Variants in SEC16A observed in about 807,000 individuals in gnomAD.
SEC16A encodes SEC16 homolog A, endoplasmic reticulum export factor, also known as protein transport protein Sec16A.
Under a neutral mutation model 221.9 loss-of-function variants are expected in SEC16A, and 110 were observed. The observed-to-expected ratio is 0.50, with a 90% CI of 0.42 to 0.58. The LOEUF is 0.58. Among genes scored for constraint, SEC16A ranks in the 20% least tolerant of loss-of-function variants. The pLI, the probability that SEC16A is intolerant of heterozygous loss-of-function variation, is 0.00. For synonymous variants in SEC16A, 1,393 were observed against 1,257.7 expected (o/e 1.11, Z -2.28); for missense variants, 3,165 against 3,097.8 (o/e 1.02, Z -0.52).
intron 30 of SEC16A, 86 bp downstream of exon 30, chr9:136,444,966 C>A: frequency 8.6e-7 from 1 of 1,160,488 alleles, no homozygotes; most frequent in Non-Finnish European, 1.3e-6. Context: ...TGGCAAAGCG[C>A]ACGTGGCGAA....
chr9:136,471,262 T>G (rs962565184), intron 4 of SEC16A, among the ~76,000 whole-genome samples: 1 of 151,048 alleles, frequency 6.6e-6, no homozygotes, highest in Admixed American at 6.6e-5. Context: ...AGGCCAGGAG[T>G]TCGAGACCAG....
In SEC16A at chr9:136,441,934, C is replaced by G. The variant is rs993975517; in HGVS notation, c.7006-111G>C. On this transcript the variant is annotated intron_variant, in intron 31 of 31. Coordinates refer to ENST00000684901, the MANE Select transcript of SEC16A (RefSeq NM_014866.2). ...CATAATGAACCACACGGGCCATTGG[C>G]GCTGACAAGCTGAAGGCTTCGTTTT... The G allele has an allele frequency of 1.1e-5, 10 of 898,894 alleles. No individual in the cohort carries two copies. In the South Asian group the frequency reaches 1.3e-4, roughly 11 times the overall value. 55.7% of individuals were successfully genotyped at this position (898,894 alleles called of 1,614,324 possible).
chr9:136,474,229 G>A lies in SEC16A; in HGVS notation c.3387C>T (p.Ser1129=), dbSNP rs45459100. Residue 1129 remains serine, a synonymous_variant, in exon 3 of 32, where the codon TCC becomes TCT. Coordinates refer to ENST00000684901, the MANE Select transcript of SEC16A (RefSeq NM_014866.2). ...SSSVSLVSSG[S]GQAAVPSEQP... The stretch of plus-strand genomic sequence containing the variant: ...GCTCTGACGGCACAGCTGCCTGGCC[G>A]GAGCCACTGGACACCAGAGACACGC... 87,678 of 1,609,476 alleles carry A rather than the reference G, an allele frequency of 0.054. 2,723 individuals are homozygous for A. The highest frequency in any genetic ancestry group is 0.063 in the Non-Finnish European group (73,693 of 1,178,206).
At chr9:136,457,955 T>C (rs1198443918) in intron 17 of SEC16A, among the ~76,000 whole-genome samples, 1 of 152,052 alleles carries the variant, frequency 6.6e-6, no homozygotes, top group Non-Finnish European at 1.5e-5. Context: ...CTCTAGATAC[T>C]TCATTCTTTT....
chr9:136,462,473 C>T (rs568258382), intron 12 of SEC16A, among the ~76,000 whole-genome samples: 15 of 152,312 alleles, frequency 9.8e-5, no homozygotes, highest in African/African-American at 3.1e-4. Flanking sequence ...CCATGCACTG[C>T]GCCTCTGACA....
At position 136,454,230 on chromosome 9, in the gene SEC16A, G is replaced by C. The variant is rs1370699701; in HGVS notation, c.5955C>G (p.Gly1985=). Residue 1985 remains glycine, a synonymous_variant, in exon 21 of 32, where the codon GGC becomes GGG. Transcript: ENST00000684901. ...LPPGPLEPGP[G]CVTPGPALGF... ...CAAGTGCAGGCCCTGGGGTCACACA[G>C]CCAGGACCCGGCTCCAGGGGCCCCG... The C allele has an allele frequency of 1.3e-6, 2 of 1,571,048 alleles. No individual in the cohort carries two copies. Among genetic ancestry groups the C allele is most frequent in the African/African-American group, 2.7e-5 (2 of 74,144 alleles).
Position 136,473,888 on chromosome 9 carries a change from T to C in SEC16A, c.3567+161A>G, listed in dbSNP as rs73566979. On this transcript the variant is annotated intron_variant, in intron 3 of 31. Transcript: ENST00000684901. ...GTAGGTTCTGGAGCCGGGAGCCCTG[T>C]CCTCAGGAAGCGTTACTGGAATACT... Among the ~76,000 whole-genome samples the C allele has an allele frequency of 4.6e-3, 707 of 152,340 alleles. 8 individuals are homozygous for C. Among genetic ancestry groups the C allele is most frequent in the African/African-American group, 0.016 (665 of 41,572 alleles).
At position 136,454,156 on chromosome 9, in the gene SEC16A, A is replaced by G. The variant is rs1378164975; in HGVS notation, c.6029T>C (p.Leu2010Pro). 1 of 1,555,776 alleles carries G rather than the reference A, an allele frequency of 6.4e-7. No individual in the cohort carries two copies. The highest frequency in any genetic ancestry group is 2.4e-5 in the East Asian group (1 of 41,538). ...GPGLPPGVPP[L>P]QERRHLLQEA... ...CTGGAGCAAGTGTCTCCTTTCCTGCAGAGGTGGCACACCAGGTGGGAGGCC... is the reference window on the plus strand; with the variant it reads ...CTGGAGCAAGTGTCTCCTTTCCTGCGGAGGTGGCACACCAGGTGGGAGGCC... Residue 2010 changes from leucine to proline, a missense_variant, in exon 21 of 32, where the codon CTG (leucine) becomes CCG (proline). Leu to Pro is a moderately conservative substitution (Grantham distance 98). Around this residue, in one of 3 missense-constraint regions of SEC16A, gnomAD observed 1,088 missense variants for 1,089.6 expected, o/e 1.00. Transcript: ENST00000684901.
At position 136,475,461 on chromosome 9, in the gene SEC16A, C is replaced by T; in HGVS notation, c.2155G>A (p.Glu719Lys). ...SARTQGPVKCESPATTLWAQS... is the reference protein window; with the variant it reads ...SARTQGPVKCKSPATTLWAQS... ...GCCCACAGAGTCGTTGCTGGGCTCT[C>T]ACACTTCACGGGCCCCTGGGTCCTG... The change falls in exon 3 of 32, where the codon GAG (glutamate) becomes AAG (lysine). Residue 719 changes from glutamate (E) to lysine (K), a missense_variant. By Grantham distance (56) the Glu-to-Lys change is moderately conservative. Around this residue, in one of 3 missense-constraint regions of SEC16A, gnomAD observed 2,030 missense variants for 1,923.1 expected, o/e 1.06. Coordinates refer to ENST00000684901, the MANE Select transcript of SEC16A (RefSeq NM_014866.2). The surrounding 1 kb of genome is among the most constrained non-coding windows in gnomAD (Gnocchi z 5.0). 6.2e-7 allele frequency: 1 copy of T among 1,608,824 alleles called. No homozygotes were observed. The highest frequency in any genetic ancestry group is 1.3e-5 in the African/African-American group (1 of 74,850).
Position 136,475,761 on chromosome 9 carries a change from C to A in SEC16A, c.1855G>T (p.Val619Phe). The A allele has an allele frequency of 6.2e-7, 1 of 1,604,230 alleles. No individual in the cohort carries two copies. Residue 619 changes from valine to phenylalanine, a missense_variant, in exon 3 of 32, where the codon GTT (valine) becomes TTT (phenylalanine). This residue lies in a region of SEC16A where 2,030 missense variants were observed against 1,923.1 expected (regional missense o/e 1.06). Transcript: ENST00000684901. The surrounding 1 kb of genome is among the most constrained non-coding windows in gnomAD (Gnocchi z 5.0). ...TCTGCCTCAAATGGTTTTACCCCAA[C>A]TAAGTGAGATTTTACCGGTTCGAAA... ...SSFEPVKSHL[V>F]GVKPFEADRA... is the part of the protein sequence containing the mutation.
At position 136,447,520 on chromosome 9, in the gene SEC16A, TG is replaced by T. The variant is rs779613830; in HGVS notation, c.6559+48del. The T allele has an allele frequency of 6.4e-7, 1 of 1,558,732 alleles. No individual in the cohort carries two copies. Among genetic ancestry groups the T allele is most frequent in the African/African-American group, 1.3e-5 (1 of 74,092 alleles). ...ACAGCTACACATTGGCCTCTCTCTC[TG>T]GGACAGTTAATCGTTCAAGCAAGCT... On this transcript the variant is annotated intron_variant, in intron 26 of 31. Transcript: ENST00000684901. This position sits in a 1 kb window ranked among gnomAD's most constrained non-coding sequence, Gnocchi z 5.5.
intron 18 of SEC16A, 66 bp downstream of exon 18, chr9:136,457,378 G>C: frequency 6.6e-7 from 1 of 1,520,036 alleles, no homozygotes; most frequent in Non-Finnish European, 8.9e-7. Context: ...ATGCCCGGGG[G>C]CTCTGGCAAG....
intron 11 of SEC16A, 54 bp from the exon 12 acceptor site, chr9:136,463,186 C>T (rs756912296): frequency 5.7e-5 from 90 of 1,589,204 alleles, no homozygotes; most frequent in Non-Finnish European, 7.4e-5. Context: ...GGTGAGGACG[C>T]GTTGGACCAC....
In SEC16A at chr9:136,447,950, C is replaced by G; in HGVS notation, c.6391-41G>C. 1 of 1,571,762 alleles carries G rather than the reference C, an allele frequency of 6.4e-7. No homozygotes were observed. The highest frequency in any genetic ancestry group is 8.7e-7 in the Non-Finnish European group (1 of 1,151,730). On this transcript the variant is annotated intron_variant, in intron 24 of 31. Coordinates refer to ENST00000684901, the MANE Select transcript of SEC16A (RefSeq NM_014866.2). This position sits in a 1 kb window ranked among gnomAD's most constrained non-coding sequence, Gnocchi z 5.5. ...AAAGAAAAAAGGTCAGCAGACTGAA[C>G]CTAAACAGAATTAGCATCTGATTAA...
At chr9:136,455,851 C>G in intron 19 of SEC16A, 58 bp from the exon 20 acceptor site, 1 of 1,485,656 alleles carries the variant, frequency 6.7e-7, no homozygotes, top group East Asian at 2.4e-5. Flanking sequence ...TGCAGCGCTG[C>G]CCGCCTGCCA....
In SEC16A at chr9:136,461,270, G is replaced by A; in HGVS notation, c.4898C>T (p.Ala1633Val). The part of the protein sequence containing the change: ...ELLLYGRKKD[A>V]LESAMKNGLW... Reference sequence around the variant, plus strand: ...GCCATTCTTCATTGCAGACTCCAAAGCATCCTGCAAAAGGCATTTCAGGGA... The same window carrying A: ...GCCATTCTTCATTGCAGACTCCAAAACATCCTGCAAAAGGCATTTCAGGGA... Residue 1633 changes from alanine to valine, a missense_variant, in exon 13 of 32, where the codon GCT becomes GTT. Ala to Val is a moderately conservative substitution (Grantham distance 64, BLOSUM62 0). Transcript: ENST00000684901. The A allele has an allele frequency of 6.2e-7, 1 of 1,600,954 alleles. No individual in the cohort carries two copies. The highest frequency in any genetic ancestry group is 1.3e-5 in the African/African-American group (1 of 74,816).
intron 28 of SEC16A, 66 bp downstream of exon 28, chr9:136,446,789 G>A: frequency 1.3e-6 from 2 of 1,500,966 alleles, no homozygotes; most frequent in Non-Finnish European, 9.0e-7. Flanking sequence ...GCAAGGCCCT[G>A]TCTGGCAGGA....
Position 136,463,141 on chromosome 9 carries a change from G to T in SEC16A, c.4648-9C>A, listed in dbSNP as rs1186441459. On this transcript the variant is annotated splice_polypyrimidine_tract_variant and intron_variant, in intron 11 of 31. Coordinates refer to ENST00000684901, the MANE Select transcript of SEC16A (RefSeq NM_014866.2). ...TCGGTCCCTACCACGGTCTGTTTGGGTCAACAGGAACAGGAAGGAGAACAA... is the reference window on the plus strand; with the variant it reads ...TCGGTCCCTACCACGGTCTGTTTGGTTCAACAGGAACAGGAAGGAGAACAA... 2 of 1,607,600 alleles carry T rather than the reference G, an allele frequency of 1.2e-6. No individual in the cohort carries two copies. Among genetic ancestry groups the T allele is most frequent in the South Asian group, 2.2e-5 (2 of 91,086 alleles).
chr9:136,450,265 T>C (rs777753381), intron 23 of SEC16A, among the ~76,000 whole-genome samples: 43 of 152,086 alleles, frequency 2.8e-4, no homozygotes, highest in Non-Finnish European at 4.9e-4. Context: ...ATCTACAGAT[T>C]GGGAGAAGAT....
Sources: allele counts gnomAD v4.1 joint callset (sites outside exome capture counted in the v4.1 genomes callset), GRCh38; gene constraint gnomAD v4.1.1; regional missense constraint gnomAD v4.1.1; non-coding constraint Gnocchi (gnomAD v3.1); transcripts MANE v1.5; gene names NCBI Gene and HGNC (gene_info 2026-07-23, HGNC 2026-07-21).